The following FIBCD1 variants were observed in gnomAD, a reference collection of about 807,000 sequenced individuals.
FIBCD1 encodes the protein fibrinogen C domain containing 1.
FIBCD1 carries 47 observed loss-of-function variants against 45.1 expected under a neutral mutation model. That is an observed-to-expected ratio of 1.04 (90% CI 0.82 to 1.33). FIBCD1 has a LOEUF of 1.33. Ranked by LOEUF, FIBCD1 falls within the 40% of genes most tolerant of loss-of-function variation. The probability of loss-of-function intolerance (pLI) is 0.00; values close to 1 mark genes in which losing one functional copy is unlikely to be tolerated. For synonymous variants in FIBCD1, 313 were observed against 308.1 expected (o/e 1.02, Z -0.17); for missense variants, 653 against 682.2 (o/e 0.96, Z 0.48).
chr9:130,905,208 C>T lies in FIBCD1; in HGVS notation c.1126+26G>A, dbSNP rs199970710. 26 of 1,597,998 alleles carry T rather than the reference C, an allele frequency of 1.6e-5. No homozygotes were observed. In the Admixed American group the frequency reaches 1.9e-4, roughly 11 times the overall value. ...ATCCTCCCAGGCCGCCCCCCTTCCC[C>T]ATCCCTGCCACAGCTGGAGCCTCAC... On this transcript the variant is annotated intron_variant, in intron 6 of 6. Transcript: ENST00000372338.
intron 2 of FIBCD1, among the ~76,000 whole-genome samples, chr9:130,927,737 C>T (rs978056347): frequency 1.3e-5 from 2 of 152,180 alleles, no homozygotes; most frequent in Admixed American, 6.5e-5. Flanking sequence ...GGCGTGATCT[C>T]GGCTCACTGC....
intron 4 of FIBCD1, among the ~76,000 whole-genome samples, chr9:130,918,629 T>C (rs1008543017): frequency 6.6e-6 from 1 of 152,076 alleles, no homozygotes; most frequent in African/African-American, 2.4e-5. Flanking sequence ...ACAAAGAACT[T>C]GGATGTGTGA....
chr9:130,930,373 C>T (rs1414081016), intron 1 of FIBCD1, among the ~76,000 whole-genome samples: 1 of 145,652 alleles, frequency 6.9e-6, no homozygotes, highest in Non-Finnish European at 1.5e-5. Flanking sequence ...CACAGGGAGA[C>T]GCAGGGAGAT....
chr9:130,932,239 C>G (rs953909239), intron 1 of FIBCD1, among the ~76,000 whole-genome samples: 2 of 152,226 alleles, frequency 1.3e-5, no homozygotes, highest in Non-Finnish European at 2.9e-5. Flanking sequence ...AATTCAAATT[C>G]CACAAGGACC....
intron 1 of FIBCD1, 98 bp downstream of exon 1, chr9:130,938,438 C>A: frequency 1.8e-6 from 2 of 1,094,700 alleles, no homozygotes; most frequent in Non-Finnish European, 2.4e-6. Flanking sequence ...GGGGTGCGCC[C>A]CAAACTCCAG....
At chr9:130,939,748 G>A (rs1200031149), upstream of FIBCD1, among the ~76,000 whole-genome samples, 1 of 151,950 alleles carries the variant, frequency 6.6e-6, no homozygotes, top group Non-Finnish European at 1.5e-5. Flanking sequence ...GTGCCAGGAG[G>A]GGGCTTCTTA....
At chr9:130,917,113 A>G (rs1221739774) in intron 4 of FIBCD1, among the ~76,000 whole-genome samples, 1 of 152,136 alleles carries the variant, frequency 6.6e-6, no homozygotes, top group Admixed American at 6.5e-5. Context: ...AAAACAAAAC[A>G]AAATGGAGGC....
chr9:130,927,086 C>CA (rs1304364080), intron 2 of FIBCD1, among the ~76,000 whole-genome samples: 1 of 151,656 alleles, frequency 6.6e-6, no homozygotes, highest in African/African-American at 2.4e-5. Flanking sequence ...AAATTTTAAT[C>CA]AAAAAAATTA....
Position 130,923,757 on chromosome 9 carries a change from C to CCGT in FIBCD1, c.833_835dup (p.Asp278dup). ...TGGGACACTCACCGTCCAGCCGCCG[C>CCGT]CGTCCGTGCGCATGTCACAGTACAC... On this transcript the variant is annotated inframe_insertion, in exon 4 of 7. Coordinates refer to ENST00000372338, the MANE Select transcript of FIBCD1 (RefSeq NM_032843.5). The CCGT allele has an allele frequency of 6.2e-7, 1 of 1,612,358 alleles. No homozygotes were observed. Among genetic ancestry groups the CCGT allele is most frequent in the Non-Finnish European group, 8.5e-7 (1 of 1,179,882 alleles).
intron 5 of FIBCD1, among the ~76,000 whole-genome samples, chr9:130,911,312 C>T (rs1832039138): frequency 9.3e-6 from 1 of 108,108 alleles, no homozygotes; most frequent in African/African-American, 5.6e-5. Context: ...TCTGCAGCTT[C>T]ATTCTTGAAA....
intron 4 of FIBCD1, among the ~76,000 whole-genome samples, chr9:130,912,975 T>C (rs1832089910): frequency 6.6e-6 from 1 of 152,048 alleles, no homozygotes; most frequent in Non-Finnish European, 1.5e-5. Context: ...GGGGTCGGGG[T>C]GCTGGGAAAC....
Position 130,937,048 on chromosome 9 carries a change from A to G in FIBCD1, c.72+1488T>C, listed in dbSNP as rs182322587. Among the ~76,000 whole-genome samples the G allele has an allele frequency of 8.9e-3, 1,351 of 152,134 alleles. 10 individuals carry two copies. The highest frequency in any genetic ancestry group is 0.015 in the Admixed American group (233 of 15,282). On this transcript the variant is annotated intron_variant, in intron 1 of 6. Transcript: ENST00000372338. ...TGACACAGAAAAGATCTGGAAATGG[A>G]GCGGCGTGGTGTGGGGCCCAGGGTT...
chr9:130,918,474 T>C (rs1230357762), intron 4 of FIBCD1, among the ~76,000 whole-genome samples: 1 of 152,188 alleles, frequency 6.6e-6, no homozygotes, highest in Non-Finnish European at 1.5e-5. Flanking sequence ...TAGACTGTGA[T>C]GAAACTGCTG....
chr9:130,917,968 A>G lies in FIBCD1; in HGVS notation c.849+5776T>C, dbSNP rs115714674. On this transcript the variant is annotated intron_variant, in intron 4 of 6. Coordinates refer to ENST00000372338, the MANE Select transcript of FIBCD1 (RefSeq NM_032843.5). The stretch of plus-strand genomic sequence containing the variant: ...CAGGATACGTGGCTTCTCCCCTGCA[A>G]AACAAGGGCTCCTGCACAGCACCCC... Among the ~76,000 whole-genome samples, 1,085 of 152,214 alleles carry G rather than the reference A, an allele frequency of 7.1e-3. 16 individuals carry two copies. Among genetic ancestry groups the G allele is most frequent in the African/African-American group, 0.025 (1,041 of 41,546 alleles).
chr9:130,912,024 C>T, intron 4 of FIBCD1, 136 bp from the exon 5 acceptor site: 1 of 731,512 alleles, frequency 1.4e-6, no homozygotes, highest in Non-Finnish European at 2.2e-6. Flanking sequence ...GGCCTGGTTG[C>T]CCACTTCCCG....
chr9:130,935,583 G>C (rs1223664755), intron 1 of FIBCD1, among the ~76,000 whole-genome samples: 1 of 152,216 alleles, frequency 6.6e-6, no homozygotes, highest in African/African-American at 2.4e-5. Flanking sequence ...TTGGACAAAG[G>C]TCCTTCAGGA....
At position 130,939,166 on chromosome 9, in the gene FIBCD1, G is replaced by C. The variant is rs1214341202; in HGVS notation, c.-559C>G. On this transcript the variant is annotated 5_prime_UTR_variant, in exon 1 of 7. Transcript: ENST00000372338. ...TGCTGGCTCCCGGAGGGGCCTGAGA[G>C]CCCCCCGGCGGCGCCTCTGCACAAA... is the stretch of plus-strand genomic sequence containing the variant. 6.6e-6 allele frequency: 1 copy of C among 151,704 alleles called. No homozygotes were observed. The highest frequency in any genetic ancestry group is 1.5e-5 in the Non-Finnish European group (1 of 67,866). The allele number at this position is 151,704 out of a possible 1,614,324, so 9.4% of individuals were successfully genotyped here. A position where few individuals can be genotyped will look rare whatever the true frequency, so the allele number is the denominator to read the frequency against.
intron 4 of FIBCD1, among the ~76,000 whole-genome samples, chr9:130,921,885 G>A (rs1832268387): frequency 1.3e-5 from 2 of 152,260 alleles, no homozygotes; most frequent in Non-Finnish European, 2.9e-5. Flanking sequence ...CAGGTTTAGA[G>A]ATGTGTCTGT....
chr9:130,938,692 G>C lies in FIBCD1; in HGVS notation c.-85C>G. 5 of 919,314 alleles carry C rather than the reference G, an allele frequency of 5.4e-6. No individual in the cohort carries two copies. The highest frequency in any genetic ancestry group is 6.9e-6 in the Non-Finnish European group (5 of 722,270). 56.9% of individuals were successfully genotyped at this position (919,314 alleles called of 1,614,324 possible). ...ACGGGGTGGGCGCGGGCGCGGGCGCGGGGCGCGCTCTGTCCGCCGGGTCCC... is the reference window on the plus strand; with the variant it reads ...ACGGGGTGGGCGCGGGCGCGGGCGCCGGGCGCGCTCTGTCCGCCGGGTCCC... On this transcript the variant is annotated 5_prime_UTR_variant, in exon 1 of 7. Coordinates refer to ENST00000372338, the MANE Select transcript of FIBCD1 (RefSeq NM_032843.5).
Sources: allele counts gnomAD v4.1 joint callset (sites outside exome capture counted in the v4.1 genomes callset), GRCh38; gene constraint gnomAD v4.1.1; transcripts MANE v1.5; gene names NCBI Gene and HGNC (gene_info 2026-07-23, HGNC 2026-07-21).